Variants in NACA observed in about 807,000 individuals in gnomAD.
The protein encoded by NACA is nascent polypeptide associated complex subunit alpha.
In NACA, 42 loss-of-function variants were observed where a neutral mutation model predicts 86.4. The observed-to-expected ratio is 0.49, with a 90% CI of 0.38 to 0.63. The LOEUF is 0.63. Ranked by LOEUF, NACA falls within the 20% of genes least tolerant of loss-of-function variation. The pLI is 0.00. For missense variants in NACA, 2,157 were observed against 2,483.6 expected (o/e 0.87, Z 2.80); for synonymous variants, 898 against 973.7 (o/e 0.92, Z 1.45).
chr12:56,720,176 C>T lies in NACA; in HGVS notation c.1354G>A (p.Ala452Thr). The change falls in exon 3 of 9, where the codon GCA becomes ACA. Residue 452 changes from alanine (A) to threonine (T), a missense_variant. Coordinates refer to ENST00000454682, the MANE Select transcript of NACA (RefSeq NM_001365896.1). ...VVTNPCTIAA[A>T]PTTTFEVATC... ...GCTACCTCAAAGGTAGTAGTAGGTGCTGCAGCAATTGTACAGGGGTTAGTC... is the reference window on the plus strand; with the variant it reads ...GCTACCTCAAAGGTAGTAGTAGGTGTTGCAGCAATTGTACAGGGGTTAGTC... The T allele has an allele frequency of 6.2e-7, 1 of 1,613,910 alleles. No individual in the cohort carries two copies. Among genetic ancestry groups the T allele is most frequent in the Non-Finnish European group, 8.5e-7 (1 of 1,179,858 alleles).
In NACA at chr12:56,718,935, A is replaced by C; in HGVS notation, c.2595T>G (p.Pro865=). The C allele has an allele frequency of 7.4e-7, 1 of 1,360,310 alleles. No individual in the cohort carries two copies. Among genetic ancestry groups the C allele is most frequent in the Non-Finnish European group, 9.7e-7 (1 of 1,026,096 alleles). 84.3% of individuals were successfully genotyped at this position (1,360,310 alleles called of 1,614,324 possible). A position where few individuals can be genotyped will look rare whatever the true frequency, so the allele number is the denominator to read the frequency against. ...ACAGAGGAGTCACAGCTGAGGGAGT[A>C]GGGGCCCCTTTGGGGGATGGAGGAG... ...SPTPPSPKGA[P]TPSAVTPLSP... Residue 865 remains proline, a synonymous_variant, in exon 3 of 9, where the codon CCT becomes CCG. Transcript: ENST00000454682.
chr12:56,724,541 A>T lies in NACA; in HGVS notation c.-2-18T>A. 1.2e-6 allele frequency: 2 copies of T among 1,608,694 alleles called. No individual in the cohort carries two copies. Among genetic ancestry groups the T allele is most frequent in the Non-Finnish European group, 1.7e-6 (2 of 1,177,366 alleles). On this transcript the variant is annotated intron_variant, in intron 1 of 8. Coordinates refer to ENST00000454682, the MANE Select transcript of NACA (RefSeq NM_001365896.1). ...GGGCATTTCTGAAGGAAGGGAATAA[A>T]AAGGAGGCCTAAATTGATTGGGATA...
chr12:56,713,717 C>T (rs1426812137), intron 5 of NACA, 34 bp from the exon 6 acceptor site: 2 of 1,606,218 alleles, frequency 1.2e-6, no homozygotes, highest in South Asian at 2.2e-5. Flanking sequence ...GGTTTTCAAC[C>T]TCTTTAGAAG....
At chr12:56,712,577 C>G (rs754675822) in intron 8 of NACA, 25 bp from the exon 9 acceptor site, 12 of 1,612,670 alleles carry the variant, frequency 7.4e-6, no homozygotes, top group South Asian at 3.3e-5. Context: ...AGATAATTAG[C>G]GGTTCTTATA....
rs999502399 is a variant in NACA, at chr12:56,721,120, A to C, written c.410T>G (p.Leu137Ter). The C allele has an allele frequency of 8.1e-6, 13 of 1,613,848 alleles. No individual in the cohort carries two copies. The Middle Eastern group carries it at 4.9e-4, about 61-fold the overall frequency. Residue 137 changes from leucine to a stop codon, truncating the protein, a stop_gained, in exon 3 of 9, where the codon TTA (leucine) becomes TGA (stop). Coordinates refer to ENST00000454682, the MANE Select transcript of NACA (RefSeq NM_001365896.1). LOFTEE classifies it high-confidence loss of function. ...GTGGGGAGCCAGGGCAACCAGAGCTAAGGGAGCTGAAGAGGAAGGGGTCCC... is the reference window on the plus strand; with the variant it reads ...GTGGGGAGCCAGGGCAACCAGAGCTCAGGGAGCTGAAGAGGAAGGGGTCCC... Reference protein sequence around the residue: ...LKGTPSSSAPLALVALAPHSV... With the variant: ...LKGTPSSSAP
Position 56,713,029 on chromosome 12 carries a change from G to A in NACA, c.6099+33C>T, listed in dbSNP as rs200124165. On this transcript the variant is annotated intron_variant, in intron 7 of 8. Transcript: ENST00000454682. ...CAACACGAACACAATGCTATACGGCGAGAGTTAAATTATGAAAGATTTCCT... is the reference window on the plus strand; with the variant it reads ...CAACACGAACACAATGCTATACGGCAAGAGTTAAATTATGAAAGATTTCCT... 151 of 1,613,132 alleles carry A rather than the reference G, an allele frequency of 9.4e-5. No homozygotes were observed. In the East Asian group the frequency reaches 1.4e-3, roughly 15 times the overall value.
At chr12:56,713,378 G>A in intron 6 of NACA, 159 bp downstream of exon 6, 1 of 1,204,318 alleles carries the variant, frequency 8.3e-7, no homozygotes, top group Non-Finnish European at 1.1e-6. Context: ...GGGGTAGTTA[G>A]GTCTCCCAGG....
At chr12:56,724,777 TG>T (rs1181659900) in intron 1 of NACA, 3 of 495,820 alleles carry the variant, frequency 6.1e-6, no homozygotes, top group African/African-American at 2.0e-5. Context: ...CTCTCGATCA[TG>T]GGAGACTTCA....
chr12:56,714,655 C>G lies in NACA; in HGVS notation c.5692G>C (p.Val1898Leu). The change falls in exon 4 of 9, where the codon GTA becomes CTA. Residue 1898 changes from valine to leucine, a missense_variant. By Grantham distance (32) the Val-to-Leu change is conservative. Coordinates refer to ENST00000454682, the MANE Select transcript of NACA (RefSeq NM_001365896.1). ...GAATCCTGTTCTTCAAGCTCTGGTA[C>G]TGATTCATCACTGTCAGATTCTGTT... ...SGTESDSDES[V>L]PELEEQDSTQ... The G allele has an allele frequency of 4.3e-6, 7 of 1,614,154 alleles. No homozygotes were observed. Among genetic ancestry groups the G allele is most frequent in the Non-Finnish European group, 5.9e-6 (7 of 1,180,014 alleles).
In NACA at chr12:56,718,662, G is replaced by C. The variant is rs371165343; in HGVS notation, c.2868C>G (p.Thr956=). ...TPPSPKGGPA[T]PSPKWAPTPP... is the part of the protein sequence containing the mutation. ...GTGTGGGGGCCCATTTCGGGGATGG[G>C]GTAGCTGGGCCTCCTTTAGGGGAGG... Residue 956 remains threonine (T), a synonymous_variant, in exon 3 of 9, where the codon ACC becomes ACG. Coordinates refer to ENST00000454682, the MANE Select transcript of NACA (RefSeq NM_001365896.1). 60 of 1,314,318 alleles carry C rather than the reference G, an allele frequency of 4.6e-5. No individual in the cohort carries two copies. Among genetic ancestry groups the C allele is most frequent in the Non-Finnish European group, 5.8e-5 (59 of 1,009,880 alleles). The allele number at this position is 1,314,318 out of a possible 1,614,324, so 81.4% of individuals were successfully genotyped here. A position where few individuals can be genotyped will look rare whatever the true frequency, so the allele number is the denominator to read the frequency against.
chr12:56,723,391 AT>A (rs1953624712), intron 2 of NACA, among the ~76,000 whole-genome samples: 1 of 152,242 alleles, frequency 6.6e-6, no homozygotes. Context: ...AAGTTGTTCA[AT>A]GACACAATCT....
In NACA at chr12:56,715,975, C is replaced by T; in HGVS notation, c.5555G>A (p.Gly1852Glu). The stretch of plus-strand genomic sequence containing the variant: ...GACGAGGACCGACTGGAAAGGCACT[C>T]CCCCAGAGATTGGTTCCGGGGGAAT... ...PLIPPEPISG[G>E]VPFQSVLVNM... The change falls in exon 3 of 9, where the codon GGA becomes GAA. Residue 1852 changes from glycine (G) to glutamate (E), a missense_variant. Transcript: ENST00000454682. 5.1e-6 allele frequency: 8 copies of T among 1,570,016 alleles called. No homozygotes were observed. Among genetic ancestry groups the T allele is most frequent in the Non-Finnish European group, 6.1e-6 (7 of 1,156,346 alleles).
In NACA at chr12:56,716,790, G is replaced by A; in HGVS notation, c.4740C>T (p.Ser1580=). 7.4e-7 allele frequency: 1 copy of A among 1,357,542 alleles called. No individual in the cohort carries two copies. Among genetic ancestry groups the A allele is most frequent in the Non-Finnish European group, 9.7e-7 (1 of 1,033,602 alleles). The allele number at this position is 1,357,542 out of a possible 1,614,324, so 84.1% of individuals were successfully genotyped here. A position where few individuals can be genotyped will look rare whatever the true frequency, so the allele number is the denominator to read the frequency against. ...TGGAAGGAGTCACTGCTGGGGGACT[G>A]GAGGCCTCTTTGGAGGATGGGGTAG... ...APATPSSKEA[S]SPPAVTPSTY... is the part of the protein sequence containing the mutation. The change falls in exon 3 of 9, where the codon TCC becomes TCT. Residue 1580 remains serine (S), a synonymous_variant. Coordinates refer to ENST00000454682, the MANE Select transcript of NACA (RefSeq NM_001365896.1).
In NACA at chr12:56,714,385, G is replaced by T. The variant is rs1384990018; in HGVS notation, c.5800C>A (p.Arg1934=). 1 of 1,614,062 alleles carries T rather than the reference G, an allele frequency of 6.2e-7. No individual in the cohort carries two copies. Residue 1934 remains arginine (R), a synonymous_variant, in exon 5 of 9, where the codon CGG becomes AGG. Coordinates refer to ENST00000454682, the MANE Select transcript of NACA (RefSeq NM_001365896.1). ...EEPVSKAKQS[R]SEKKARKAMS... Reference sequence around the variant, plus strand: ...ACCTTCCGTGCCTTCTTTTCACTCCGACTCTGTTTTGCTTTACTGACTGGT... The same window carrying T: ...ACCTTCCGTGCCTTCTTTTCACTCCTACTCTGTTTTGCTTTACTGACTGGT...
intron 2 of NACA, among the ~76,000 whole-genome samples, chr12:56,723,775 ACCT>A (rs763701258): frequency 6.6e-6 from 1 of 152,172 alleles, no homozygotes; most frequent in Non-Finnish European, 1.5e-5. Flanking sequence ...ACTTTTCATT[ACCT>A]CCTCCTAAGT....
chr12:56,713,467 C>T (rs1017785690), intron 6 of NACA, 70 bp downstream of exon 6: 49 of 1,549,182 alleles, frequency 3.2e-5, no homozygotes, highest in African/African-American at 2.2e-4. Flanking sequence ...AACTATCTGA[C>T]GCAAAATGTC....
At chr12:56,721,726 G>A (rs1248003315) in intron 2 of NACA, among the ~76,000 whole-genome samples, 3 of 152,202 alleles carry the variant, frequency 2.0e-5, no homozygotes, top group Non-Finnish European at 2.9e-5. Flanking sequence ...ATTTTAGGGT[G>A]AGGAGAACAG....
rs758203056 is a variant in NACA at position 56,716,629 on chromosome 12, T to C, written c.4901A>G (p.Lys1634Arg). Residue 1634 changes from lysine (K) to arginine (R), a missense_variant, in exon 3 of 9, where the codon AAA becomes AGA. Physicochemically the swap from Lys to Arg is conservative, Grantham distance 26 (BLOSUM62 2). Around this residue, in one of 8 missense-constraint regions of NACA, gnomAD observed 797 missense variants for 777.6 expected, o/e 1.02. Transcript: ENST00000454682. ...PEKGPATPAP[K>R]GTPTSPPVTP... ...CACAGGTGGGGAAGTGGGAGTCCCT[T>C]TGGGGGCTGGAGTTGCTGGGCCCTT... 1.6e-5 allele frequency: 23 copies of C among 1,447,386 alleles called. No homozygotes were observed. Among genetic ancestry groups the C allele is most frequent in the South Asian group, 4.5e-5 (4 of 88,562 alleles). 89.7% of individuals were successfully genotyped at this position (1,447,386 alleles called of 1,614,324 possible).
At position 56,713,542 on chromosome 12, in the gene NACA, C is replaced by T; in HGVS notation, c.5965G>A (p.Ala1989Thr). The change falls in exon 6 of 9, where the codon GCC becomes ACC. Residue 1989 changes from alanine to threonine, a missense_variant. Physicochemically the swap from Ala to Thr is moderately conservative, Grantham distance 58. Transcript: ENST00000454682. ...ASDTYIVFGE[A>T]KIEDLSQQAQ... ...CCCAAGAAAAGTTTACTCACCTTGG[C>T]TTCCCCAAAAACTATGTAAGTATCT... 1 of 1,613,764 alleles carries T rather than the reference C, an allele frequency of 6.2e-7. No individual in the cohort carries two copies. Among genetic ancestry groups the T allele is most frequent in the South Asian group, 1.1e-5 (1 of 91,060 alleles).
Sources: gnomAD v4.1 joint callset for allele counts (sites outside exome capture counted in the v4.1 genomes callset) on GRCh38, gnomAD v4.1.1 for gene constraint, gnomAD v4.1.1 regional missense constraint, MANE v1.5 for transcripts, NCBI Gene and HGNC (gene_info 2026-07-23, HGNC 2026-07-21) for gene names.